TIGAR: variants seen among roughly 807,000 people sequenced by gnomAD.
TIGAR encodes the protein fructose-2,6-bisphosphatase TIGAR.
In TIGAR, 7 loss-of-function variants were observed where a neutral mutation model predicts 17.9. The ratio of observed to expected loss-of-function variants is 0.39; its 90% CI spans 0.22 to 0.73. TIGAR has a LOEUF of 0.73. TIGAR is among the 30% of genes least tolerant of loss of function. The pLI, the probability that TIGAR is intolerant of heterozygous loss-of-function variation, is 0.42. For missense variants in TIGAR, 258 were observed against 327.4 expected, an observed-to-expected ratio of 0.79 and a Z score of 1.64; for synonymous variants, 94 against 108.6, an observed-to-expected ratio of 0.87 and a Z score of 0.84.
chr12:4,334,863 A>G (rs1483125435), intron 2 of TIGAR, among the ~76,000 whole-genome samples: 3 of 152,064 alleles, frequency 2.0e-5, no homozygotes, highest in Non-Finnish European at 4.4e-5. Context: ...ATGGTAGGAA[A>G]TATGTCTTTC....
At chr12:4,330,235 A>C (rs1864590075) in intron 1 of TIGAR, among the ~76,000 whole-genome samples, 1 of 152,176 alleles carries the variant, frequency 6.6e-6, no homozygotes, top group Non-Finnish European at 1.5e-5. Flanking sequence ...ACTTAAAAAC[A>C]ATGGAGCGAT....
rs151178849 is a variant in TIGAR, at chr12:4,321,669, A to G, written c.32+366A>G. Among the ~76,000 whole-genome samples, 4 of 152,292 alleles carry G rather than the reference A, an allele frequency of 2.6e-5. No individual in the cohort carries two copies. The highest frequency in any genetic ancestry group is 4.4e-5 in the Non-Finnish European group (3 of 68,034). ...GATTTTGCTCCCCAGCAGATTGCAA[A>G]GAGTTTGCAGAATTGCTCGTCCATG... On this transcript the variant is annotated intron_variant, in intron 1 of 5. Coordinates refer to ENST00000179259, the MANE Select transcript of TIGAR (RefSeq NM_020375.3). The surrounding 1 kb of genome is among the most constrained non-coding windows in gnomAD (Gnocchi z 5.2).
intron 2 of TIGAR, among the ~76,000 whole-genome samples, chr12:4,333,063 G>A (rs1864620706): frequency 6.6e-6 from 1 of 152,098 alleles, no homozygotes; most frequent in African/African-American, 2.4e-5. Flanking sequence ...GAGTAAATTG[G>A]ATCACTGATT....
At position 4,359,213 on chromosome 12, in the gene TIGAR, T is replaced by G. The variant is rs561868608; in HGVS notation, c.*6522T>G. ...GCTTTACCCTTCTTGCCTACTTATT[T>G]ATGTCAGTATGAGCTCAGAAGTTCT... On this transcript the variant is annotated 3_prime_UTR_variant, in exon 6 of 6. Transcript: ENST00000179259. Among the ~76,000 whole-genome samples the G allele has an allele frequency of 9.8e-5, 15 of 152,304 alleles. No homozygotes were observed. The highest frequency in any genetic ancestry group is 1.5e-4 in the Non-Finnish European group (10 of 68,032).
In TIGAR at chr12:4,333,892, G is replaced by A. The variant is rs995579284; in HGVS notation, c.70+2575G>A. On this transcript the variant is annotated intron_variant, in intron 2 of 5. Coordinates refer to ENST00000179259, the MANE Select transcript of TIGAR (RefSeq NM_020375.3). ...TGGGATTACAGGCGTGAGCCACCAC[G>A]CTTGGCCTAGAATCTGTCTTTTAAC... 2.6e-5 allele frequency among the ~76,000 whole-genome samples: 4 copies of A among 152,160 alleles called. No homozygotes were observed. In the South Asian group the frequency reaches 8.3e-4, roughly 31 times the overall value.
chr12:4,349,682 G>T, intron 3 of TIGAR, 137 bp from the exon 4 acceptor site: 1 of 637,834 alleles, frequency 1.6e-6, no homozygotes, highest in Non-Finnish European at 2.6e-6. Flanking sequence ...CTCCCAAAGT[G>T]CTGGGATTAC....
Position 4,352,823 on chromosome 12 carries a change from T to C in TIGAR, c.*132T>C. The C allele has an allele frequency of 1.3e-6, 1 of 776,522 alleles. No homozygotes were observed. Among genetic ancestry groups the C allele is most frequent in the South Asian group, 2.0e-5 (1 of 51,230 alleles). 48.1% of individuals were successfully genotyped at this position (776,522 alleles called of 1,614,324 possible). A position where few individuals can be genotyped will look rare whatever the true frequency, so the allele number is the denominator to read the frequency against. On this transcript the variant is annotated 3_prime_UTR_variant, in exon 6 of 6. Transcript: ENST00000179259. ...CCAATTTTTAGCTCCAGTGGAACCA[T>C]AGCCACATAAAACTTTAATGGACAA...
At chr12:4,340,453 T>C (rs533648084) in intron 3 of TIGAR, among the ~76,000 whole-genome samples, 67 of 152,336 alleles carry the variant, frequency 4.4e-4, no homozygotes, top group African/African-American at 1.5e-3. Context: ...AGAGTCAATA[T>C]TGTTAAAATG....
chr12:4,324,389 A>AGCGGGAG, intron 1 of TIGAR: 2 of 1,160,446 alleles, frequency 1.7e-6, no homozygotes, highest in Admixed American at 3.4e-5. Context: ...AGGGGGATGA[A>AGCGGGAG]GCGGGAGGAG....
chr12:4,348,646 A>G (rs960530823), intron 3 of TIGAR, among the ~76,000 whole-genome samples: 7 of 152,256 alleles, frequency 4.6e-5, no homozygotes, highest in East Asian at 1.9e-4. Context: ...GTTTCAGAAA[A>G]GAATAGTGAG....
rs201396064 is a variant in TIGAR at position 4,324,239 on chromosome 12, A to T, written c.32+2936A>T. ...GTGTAGGTTGGCATTACCATCACCT[A>T]TCCAGCACTACTGAAGGGTCTGGTT... On this transcript the variant is annotated intron_variant, in intron 1 of 5. Transcript: ENST00000179259. 3.7e-4 allele frequency: 228 copies of T among 611,678 alleles called. 2 individuals are homozygous for T. The East Asian group carries it at 6.2e-3, about 17-fold the overall frequency. 37.9% of individuals were successfully genotyped at this position (611,678 alleles called of 1,614,324 possible). A position where few individuals can be genotyped will look rare whatever the true frequency, so the allele number is the denominator to read the frequency against.
chr12:4,350,420 G>C (rs1864825732), intron 4 of TIGAR, among the ~76,000 whole-genome samples: 1 of 152,076 alleles, frequency 6.6e-6, no homozygotes, highest in South Asian at 2.1e-4. Flanking sequence ...AGAAAGTTTT[G>C]TTTTTTTACA....
rs1342845033 is a variant in TIGAR, at chr12:4,321,430, G to A, written c.32+127G>A. On this transcript the variant is annotated intron_variant, in intron 1 of 5. Coordinates refer to ENST00000179259, the MANE Select transcript of TIGAR (RefSeq NM_020375.3). This position sits in a 1 kb window ranked among gnomAD's most constrained non-coding sequence, Gnocchi z 5.2. ...GCTCCAGCCCGGGAGGGCTGGCTTG[G>A]AAGCGCTTTTTCCGGGGCGCTTGCC... 3.6e-6 allele frequency: 5 copies of A among 1,407,658 alleles called. No individual in the cohort carries two copies. The East Asian group carries it at 1.2e-4, about 35-fold the overall frequency. The allele number at this position is 1,407,658 out of a possible 1,614,324, so 87.2% of individuals were successfully genotyped here.
At chr12:4,324,961 A>C in intron 1 of TIGAR, 1 of 229,716 alleles carries the variant, frequency 4.4e-6, no homozygotes, top group Non-Finnish European at 8.2e-6. Context: ...TTTTTTGACG[A>C]AACGGAGTTT....
chr12:4,338,971 G>A (rs1308986197), intron 3 of TIGAR, among the ~76,000 whole-genome samples: 3 of 29,278 alleles, frequency 1.0e-4, no homozygotes, highest in African/African-American at 3.5e-4. Flanking sequence ...GCAAAACTTT[G>A]TCTCACAAAA....
At position 4,321,388 on chromosome 12, in the gene TIGAR, C is replaced by G. The variant is rs1362964156; in HGVS notation, c.32+85C>G. On this transcript the variant is annotated intron_variant, in intron 1 of 5. Coordinates refer to ENST00000179259, the MANE Select transcript of TIGAR (RefSeq NM_020375.3). The surrounding 1 kb of genome is among the most constrained non-coding windows in gnomAD (Gnocchi z 5.2). The stretch of plus-strand genomic sequence containing the variant: ...GTGAAGGGAAAACGGGTCCACCACC[C>G]TCTCCCCTCCCTGCTCGCTCCAGCC... The G allele has an allele frequency of 6.4e-7, 1 of 1,566,368 alleles. No individual in the cohort carries two copies. The highest frequency in any genetic ancestry group is 8.7e-7 in the Non-Finnish European group (1 of 1,153,658).
chr12:4,324,716 G>C (rs1449106197), intron 1 of TIGAR: 9 of 765,128 alleles, frequency 1.2e-5, no homozygotes, highest in African/African-American at 2.7e-5. Flanking sequence ...TGCGTCAGCT[G>C]CTCGCAGGAC....
At position 4,321,218 on chromosome 12, in the gene TIGAR, G is replaced by T. The variant is rs35814319; in HGVS notation, c.-54G>T. ...GGAAGTGGTGTGGGGGAGGTAGCCCGCAGTGCAGGGGCAGCGCGGCGCGGG... is the reference window on the plus strand; with the variant it reads ...GGAAGTGGTGTGGGGGAGGTAGCCCTCAGTGCAGGGGCAGCGCGGCGCGGG... On this transcript the variant is annotated 5_prime_UTR_variant, in exon 1 of 6. Coordinates refer to ENST00000179259, the MANE Select transcript of TIGAR (RefSeq NM_020375.3). This position sits in a 1 kb window ranked among gnomAD's most constrained non-coding sequence, Gnocchi z 5.2. 5.0e-6 allele frequency: 8 copies of T among 1,597,002 alleles called. No individual in the cohort carries two copies. Among genetic ancestry groups the T allele is most frequent in the African/African-American group, 4.0e-5 (3 of 74,776 alleles).
In TIGAR at chr12:4,331,000, A is replaced by G. The variant is rs77203667; in HGVS notation, c.33-280A>G. ...ATTTGGCTGAAATGTTATTTGCATT[A>G]TATTTTTTAGTAGGATTTTCCACCT... On this transcript the variant is annotated intron_variant, in intron 1 of 5. Coordinates refer to ENST00000179259, the MANE Select transcript of TIGAR (RefSeq NM_020375.3). 7.6e-3 allele frequency among the ~76,000 whole-genome samples: 1,154 copies of G among 152,326 alleles called. 11 individuals are homozygous for G. Among genetic ancestry groups the G allele is most frequent in the African/African-American group, 0.025 (1,058 of 41,562 alleles).
Sources: allele counts gnomAD v4.1 joint callset (sites outside exome capture counted in the v4.1 genomes callset), GRCh38; gene constraint gnomAD v4.1.1; non-coding constraint Gnocchi (gnomAD v3.1); transcripts MANE v1.5; gene names NCBI Gene and HGNC (gene_info 2026-07-23, HGNC 2026-07-21).